CCM2: variants seen among roughly 807,000 people sequenced by gnomAD.
The protein encoded by CCM2 is CCM2 scaffold protein, also known as cerebral cavernous malformations 2 protein.
Under a neutral mutation model 44.9 loss-of-function variants are expected in CCM2, and 25 were observed. The observed-to-expected ratio is 0.56, with a 90% CI of 0.41 to 0.78. The LOEUF (loss-of-function observed/expected upper bound fraction) is 0.78, where lower values mean the gene tolerates loss of function less well. Ranked by LOEUF, CCM2 falls within the 30% of genes least tolerant of loss-of-function variation. The pLI is 0.00. For missense variants in CCM2, 481 were observed against 580.6 expected (o/e 0.83, Z 1.76); for synonymous variants, 219 against 241.1 (o/e 0.91, Z 0.85).
chr7:45,015,958 A>G (rs1363753923), intron 1 of CCM2, among the ~76,000 whole-genome samples: 1 of 152,202 alleles, frequency 6.6e-6, no homozygotes, highest in East Asian at 1.9e-4. Flanking sequence ...AAGAAAATTT[A>G]TCTTTTCTGT....
intron 2 of CCM2, among the ~76,000 whole-genome samples, chr7:45,046,210 CTA>C (rs1451839161): frequency 6.6e-6 from 1 of 152,194 alleles, no homozygotes; most frequent in Admixed American, 6.5e-5. Flanking sequence ...ATAAACAAGA[CTA>C]TTCTTAAAGT....
At chr7:45,025,739 G>T (rs999463093) in intron 1 of CCM2, among the ~76,000 whole-genome samples, 2 of 152,106 alleles carry the variant, frequency 1.3e-5, no homozygotes, top group Non-Finnish European at 2.9e-5. Flanking sequence ...TCTCCATATT[G>T]GTCAGTCTGG....
At chr7:45,070,642 T>C (rs1009751342) in intron 6 of CCM2, 3 of 296,326 alleles carry the variant, frequency 1.0e-5, no homozygotes, top group African/African-American at 4.5e-5. Context: ...GTTATATAAA[T>C]TGAGGTGCAT....
chr7:45,018,764 CTT>C (rs531985553), intron 1 of CCM2, among the ~76,000 whole-genome samples: 14 of 139,818 alleles, frequency 1.0e-4, no homozygotes, highest in Admixed American at 1.4e-4. Flanking sequence ...TTAAGAATTT[CTT>C]TTTTTTTTTT....
At chr7:45,073,614 G>A in intron 8 of CCM2, 43 bp downstream of exon 8, 1 of 1,434,220 alleles carries the variant, frequency 7.0e-7, no homozygotes, top group Non-Finnish European at 9.7e-7. Flanking sequence ...TGAGGGAGGG[G>A]GTGCCCCAGG....
At chr7:45,055,963 G>A (rs546311849) in intron 2 of CCM2, among the ~76,000 whole-genome samples, 19 of 152,248 alleles carry the variant, frequency 1.2e-4, no homozygotes, top group African/African-American at 2.4e-4. Flanking sequence ...GGCTTATTTC[G>A]CTTAGCACAG....
In CCM2 at chr7:45,073,528, T is replaced by C; in HGVS notation, c.872T>C (p.Leu291Pro). ...AGCAAGACCATCAGTGAGAGCGAGC[T>C]GAGCGCCAGCGCCACTGAGCTGCTG... ...PHSKTISESE[L>P]SASATELLQD... The change falls in exon 8 of 10, where the codon CTG becomes CCG. Residue 291 changes from leucine to proline, a missense_variant. Coordinates refer to ENST00000258781, the MANE Select transcript of CCM2 (RefSeq NM_031443.4). 1 of 1,613,016 alleles carries C rather than the reference T, an allele frequency of 6.2e-7. No individual in the cohort carries two copies. Among genetic ancestry groups the C allele is most frequent in the Non-Finnish European group, 8.5e-7 (1 of 1,179,912 alleles).
intron 1 of CCM2, among the ~76,000 whole-genome samples, chr7:45,005,482 C>T (rs1353604487): frequency 6.6e-6 from 1 of 152,228 alleles, no homozygotes; most frequent in Non-Finnish European, 1.5e-5. Context: ...GCAGTCTGCC[C>T]CACTGGGGCG....
intron 1 of CCM2, among the ~76,000 whole-genome samples, chr7:45,032,078 T>A (rs894542965): frequency 6.6e-6 from 1 of 152,136 alleles, no homozygotes; most frequent in Admixed American, 6.5e-5. Context: ...CTGCATTCCG[T>A]GCTGAATGGG....
chr7:45,064,761 A>G, intron 4 of CCM2, 115 bp downstream of exon 4: 1 of 1,070,844 alleles, frequency 9.3e-7, no homozygotes. Flanking sequence ...GTTTGTCACG[A>G]CCAATAATTG....
chr7:45,076,019 G>A lies in CCM2; in HGVS notation c.1297G>A (p.Glu433Lys), dbSNP rs746677393. 1.9e-5 allele frequency: 30 copies of A among 1,612,942 alleles called. No individual in the cohort carries two copies. Among genetic ancestry groups the A allele is most frequent in the Non-Finnish European group, 2.4e-5 (28 of 1,180,020 alleles). The change falls in exon 10 of 10, where the codon GAG becomes AAG. Residue 433 changes from glutamate to lysine, a missense_variant. Physicochemically the swap from Glu to Lys is moderately conservative, Grantham distance 56 (BLOSUM62 1). Coordinates refer to ENST00000258781, the MANE Select transcript of CCM2 (RefSeq NM_031443.4). ...GATCTCGGACATCAGCAGCGACATTGAGGCGCTGGGCTGCAGCATGGACCA... is the reference window on the plus strand; with the variant it reads ...GATCTCGGACATCAGCAGCGACATTAAGGCGCTGGGCTGCAGCATGGACCA... ...RMISDISSDI[E>K]ALGCSMDQDS...
At chr7:45,041,087 G>C (rs73694261) in intron 2 of CCM2, among the ~76,000 whole-genome samples, 1,572 of 152,300 alleles carry the variant, frequency 0.01, 24 homozygotes, top group African/African-American at 0.037. Flanking sequence ...ATAATTCCCA[G>C]GATGACAGGA....
intron 1 of CCM2, among the ~76,000 whole-genome samples, chr7:45,030,074 G>T (rs1475748014): frequency 6.6e-6 from 1 of 152,146 alleles, no homozygotes; most frequent in Non-Finnish European, 1.5e-5. Flanking sequence ...GTGGACTCTG[G>T]CAGGTCCCTT....
At chr7:45,001,642 G>A (rs569546922) in intron 1 of CCM2, among the ~76,000 whole-genome samples, 34 of 152,306 alleles carry the variant, frequency 2.2e-4, no homozygotes, top group Admixed American at 4.6e-4. Flanking sequence ...ATTGTGCACC[G>A]CTTACAGGAG....
downstream of CCM2, chr7:45,076,455 C>T (rs1337999309): frequency 1.1e-5 from 4 of 364,094 alleles, no homozygotes; most frequent in Admixed American, 3.7e-5. Flanking sequence ...ATAATTTAAT[C>T]TCTGGTTGCC....
intron 2 of CCM2, among the ~76,000 whole-genome samples, chr7:45,053,599 G>A (rs62458147): frequency 0.13 from 20,280 of 152,110 alleles, 1,657 homozygotes; most frequent in Middle Eastern, 0.23. Context: ...CACCTGCTCT[G>A]TGCGAGTCAG....
At chr7:45,062,063 C>T (rs1361024582) in intron 2 of CCM2, among the ~76,000 whole-genome samples, 1 of 152,176 alleles carries the variant, frequency 6.6e-6, no homozygotes, top group Non-Finnish European at 1.5e-5. Flanking sequence ...ATCTGTCTCT[C>T]CATCTTTGGG....
At chr7:45,036,788 A>G (rs1797238507) in intron 1 of CCM2, among the ~76,000 whole-genome samples, 2 of 151,768 alleles carry the variant, frequency 1.3e-5, no homozygotes, top group African/African-American at 4.8e-5. Flanking sequence ...CTTTTAATGA[A>G]AGTTTGGTGG....
intron 1 of CCM2, among the ~76,000 whole-genome samples, chr7:45,023,759 T>C (rs546374264): frequency 6.6e-6 from 1 of 150,934 alleles, no homozygotes; most frequent in Non-Finnish European, 1.5e-5. Flanking sequence ...CATCTTTGTT[T>C]AGTCATTATT....
Sources: gnomAD v4.1 joint callset for allele counts (sites outside exome capture counted in the v4.1 genomes callset) on GRCh38, gnomAD v4.1.1 for gene constraint, MANE v1.5 for transcripts, NCBI Gene and HGNC (gene_info 2026-07-23, HGNC 2026-07-21) for gene names.